The following UTRN variants were observed in gnomAD, a reference collection of about 807,000 sequenced individuals.
UTRN encodes the protein utrophin.
Under a neutral mutation model 463.9 loss-of-function variants are expected in UTRN, and 283 were observed. The ratio of observed to expected loss-of-function variants is 0.61; its 90% confidence interval spans 0.55 to 0.67. UTRN has a LOEUF of 0.67. Among genes scored for constraint, UTRN ranks in the 30% least tolerant of loss-of-function variants. The pLI, the probability that UTRN is intolerant of heterozygous loss-of-function variation, is 0.00. For synonymous variants in UTRN, 1,442 were observed against 1,431.5 expected, an observed-to-expected ratio of 1.01 and a Z score of -0.17; for missense variants, 3,922 against 4,084.3, an observed-to-expected ratio of 0.96 and a Z score of 1.08.
At chr6:144,347,688 C>T (rs543629340) in intron 2 of UTRN, among the ~76,000 whole-genome samples, 2 of 152,124 alleles carry the variant, frequency 1.3e-5, no homozygotes, top group South Asian at 4.2e-4. Context: ...GACAAGGCTC[C>T]AGGGCAGTGG....
chr6:144,721,056 T>C (rs1360184049), intron 53 of UTRN, among the ~76,000 whole-genome samples: 2 of 152,214 alleles, frequency 1.3e-5, no homozygotes, highest in Admixed American at 6.5e-5. Context: ...CACCTAAGGA[T>C]GGGAGAAAAT....
chr6:144,496,742 T>C (rs1585018214), intron 33 of UTRN, among the ~76,000 whole-genome samples: 2 of 152,206 alleles, frequency 1.3e-5, no homozygotes, highest in African/African-American at 2.4e-5. Context: ...TGAAGAGTTA[T>C]GAAGAATGTA....
chr6:144,663,807 A>G (rs1053849084), intron 51 of UTRN, among the ~76,000 whole-genome samples: 5 of 152,176 alleles, frequency 3.3e-5, no homozygotes, highest in African/African-American at 1.2e-4. Flanking sequence ...ACATGACTCT[A>G]TCTTTTATAA....
In UTRN at chr6:144,730,371, G is replaced by A. The variant is rs1381565967; in HGVS notation, c.7824G>A (p.Glu2608=). 3.1e-6 allele frequency: 5 copies of A among 1,605,826 alleles called. No homozygotes were observed. Among genetic ancestry groups the A allele is most frequent in the Non-Finnish European group, 4.3e-6 (5 of 1,175,816 alleles). Residue 2608 remains glutamate, a synonymous_variant, in exon 54 of 75, where the codon GAG becomes GAA. Coordinates refer to ENST00000367545, the MANE Select transcript of UTRN (RefSeq NM_007124.3). The part of the protein sequence containing the change: ...QYDHCKALRR[E]LKEKEYSVLN... ...TCTTTTGAAAGGCCCTGAGACGGGAGTTAAAGGAGAAAGAATATTCTGTCC... is the reference window on the plus strand; with the variant it reads ...TCTTTTGAAAGGCCCTGAGACGGGAATTAAAGGAGAAAGAATATTCTGTCC...
chr6:144,790,256 A>G lies in UTRN; in HGVS notation c.8920+977A>G, dbSNP rs572323343. On this transcript the variant is annotated intron_variant, in intron 62 of 74. Transcript: ENST00000367545. ...CATAAAATGTGAATTTGATCCCACC[A>G]TGCATATTCCCAGATGATTCTTTAC... 7.9e-5 allele frequency among the ~76,000 whole-genome samples: 12 copies of G among 152,298 alleles called. No homozygotes were observed. In the East Asian group the frequency reaches 1.2e-3, roughly 15 times the overall value.
intron 1 of UTRN, 64 bp from the exon 2 acceptor site, chr6:144,291,673 C>T (rs150333556): frequency 7.3e-5 from 37 of 509,236 alleles, no homozygotes; most frequent in Middle Eastern, 5.3e-4. Context: ...ATAGTTACTA[C>T]GAATAACTAT....
chr6:144,562,456 T>C (rs1800021804), intron 50 of UTRN, among the ~76,000 whole-genome samples: 1 of 152,134 alleles, frequency 6.6e-6, no homozygotes, highest in Non-Finnish European at 1.5e-5. Context: ...CATGCGGTGT[T>C]TGGTTTTCTG....
intron 51 of UTRN, among the ~76,000 whole-genome samples, chr6:144,609,360 A>G (rs1231546875): frequency 6.6e-6 from 1 of 152,224 alleles, no homozygotes; most frequent in East Asian, 1.9e-4. Flanking sequence ...GCTATCACAT[A>G]ATGATAAAAA....
intron 48 of UTRN, among the ~76,000 whole-genome samples, chr6:144,553,229 G>A (rs1184979613): frequency 2.0e-5 from 3 of 152,086 alleles, no homozygotes; most frequent in African/African-American, 7.2e-5. Context: ...GTAGAGACAG[G>A]GTTTCACCAT....
chr6:144,336,103 G>A (rs573123474), intron 2 of UTRN, among the ~76,000 whole-genome samples: 20 of 152,292 alleles, frequency 1.3e-4, no homozygotes, highest in African/African-American at 3.8e-4. Context: ...AGATTTGCAT[G>A]TGGGCATTTG....
chr6:144,554,586 T>G, intron 48 of UTRN, 102 bp from the exon 49 acceptor site: 1 of 1,248,614 alleles, frequency 8.0e-7, no homozygotes, highest in Non-Finnish European at 1.1e-6. Context: ...TGCCTTCTTC[T>G]GTTTATAGAC....
rs1177284201 is a variant in UTRN, at chr6:144,438,849, T to C, written c.1346T>C (p.Leu449Pro). 1.2e-6 allele frequency: 2 copies of C among 1,614,064 alleles called. No individual in the cohort carries two copies. Among genetic ancestry groups the C allele is most frequent in the African/African-American group, 2.7e-5 (2 of 74,920 alleles). ...ERIQKMETCP[L>P]DDDVKSLQKL... ...ATTCAGAAGATGGAAACTTGCCCCC[T>C]GGATGATGATGTAAAATCTCTACAA... The change falls in exon 12 of 75, where the codon CTG (leucine) becomes CCG (proline). Residue 449 changes from leucine to proline, a missense_variant. By Grantham distance (98) the Leu-to-Pro change is moderately conservative. Around this residue, in one of 3 missense-constraint regions of UTRN, gnomAD observed 2,349 missense variants for 2,303.8 expected, o/e 1.02. Coordinates refer to ENST00000367545, the MANE Select transcript of UTRN (RefSeq NM_007124.3).
intron 50 of UTRN, among the ~76,000 whole-genome samples, chr6:144,571,805 A>G (rs558342209): frequency 6.6e-6 from 1 of 152,292 alleles, no homozygotes; most frequent in African/African-American, 2.4e-5. Context: ...CACATTTTCC[A>G]GTGACCTGAC....
intron 21 of UTRN, 133 bp downstream of exon 21, chr6:144,459,487 C>A (rs1436352091): frequency 2.0e-6 from 2 of 992,534 alleles, no homozygotes; most frequent in Admixed American, 3.3e-5. Flanking sequence ...CTGTATTGTT[C>A]AAAGTCTTAA....
chr6:144,771,870 TTTTG>T (rs778006668), intron 58 of UTRN, 33 bp from the exon 59 acceptor site: 2 of 1,547,302 alleles, frequency 1.3e-6, no homozygotes, highest in Non-Finnish European at 1.7e-6. Flanking sequence ...TTTTTTGATT[TTTTG>T]TTTATTTTTA....
intron 34 of UTRN, among the ~76,000 whole-genome samples, chr6:144,510,021 G>A (rs1419312604): frequency 6.6e-6 from 1 of 152,096 alleles, no homozygotes; most frequent in Admixed American, 6.5e-5. Context: ...TCATAAATAT[G>A]CCAGTAATTG....
chr6:144,838,273 C>CGGCAT (rs2128761478), intron 71 of UTRN, among the ~76,000 whole-genome samples: 1 of 152,274 alleles, frequency 6.6e-6, no homozygotes, highest in Non-Finnish European at 1.5e-5. Context: ...CATAGCAATG[C>CGGCAT]TTTTAGAGAT....
intron 54 of UTRN, among the ~76,000 whole-genome samples, chr6:144,743,685 G>A (rs544629014): frequency 4.7e-4 from 72 of 152,264 alleles, no homozygotes; most frequent in Middle Eastern, 6.8e-3. Context: ...CTGCATTCTA[G>A]GGAAGTGTAT....
At position 144,793,793 on chromosome 6, in the gene UTRN, T is replaced by C. The variant is rs9376856; in HGVS notation, c.8921-41T>C. 2.4e-3 allele frequency: 3,838 copies of C among 1,602,364 alleles called. 141 individuals are homozygous for C. The East Asian group carries it at 0.072, about 30-fold the overall frequency. On this transcript the variant is annotated intron_variant, in intron 62 of 74. Transcript: ENST00000367545. ...AAGATATATTTTAAGTAAAAGAACA[T>C]GGTAGACAGATGAAAGTTAACCTCT...
Sources: allele counts gnomAD v4.1 joint callset (sites outside exome capture counted in the v4.1 genomes callset), GRCh38; gene constraint gnomAD v4.1.1; regional missense constraint gnomAD v4.1.1; transcripts MANE v1.5; gene names NCBI Gene and HGNC (gene_info 2026-07-23, HGNC 2026-07-21).